The following PDE4D variants were observed in gnomAD, a reference collection of about 807,000 sequenced individuals.
The protein encoded by PDE4D is 3',5'-cyclic-AMP phosphodiesterase 4D.
In PDE4D, 24 loss-of-function variants were observed where a neutral mutation model predicts 87.4. The ratio of observed to expected loss-of-function variants is 0.27; its 90% CI spans 0.20 to 0.39. The LOEUF (loss-of-function observed/expected upper bound fraction) is 0.39. Among genes scored for constraint, PDE4D ranks in the 10% least tolerant of loss-of-function variants. The probability of loss-of-function intolerance (pLI) is 1.00; values close to 1 mark genes in which losing one functional copy is unlikely to be tolerated. For missense variants in PDE4D, 714 were observed against 1,041.0 expected, an observed-to-expected ratio of 0.69 and a Z score of 4.32; for synonymous variants, 384 against 383.2, an observed-to-expected ratio of 1.00 and a Z score of -0.02.
At chr5:59,518,414 C>A (rs1811566285) in intron 1 of PDE4D, among the ~76,000 whole-genome samples, 1 of 152,076 alleles carries the variant, frequency 6.6e-6, no homozygotes, top group Non-Finnish European at 1.5e-5. Context: ...AAGCAAACAT[C>A]CTTAATGTTC....
Position 59,200,702 on chromosome 5 carries a change from TAG to T in PDE4D, c.648-7168_648-7167del, listed in dbSNP as rs1581346704. The stretch of plus-strand genomic sequence containing the variant: ...ACGTATACATACATATGTGTATGTA[TAG>T]ATACACGTATACATACATATGTGTA... On this transcript the variant is annotated intron_variant, in intron 2 of 14. Coordinates refer to ENST00000340635, the MANE Select transcript of PDE4D (RefSeq NM_001104631.2). 1.5e-4 allele frequency among the ~76,000 whole-genome samples: 14 copies of T among 94,502 alleles called. 1 individual carries two copies. The highest frequency in any genetic ancestry group is 5.1e-3 in the Middle Eastern group (1 of 196). The allele number at this position is 94,502 out of a possible 152,430, so 62.0% of individuals were successfully genotyped here.
intron 1 of PDE4D, among the ~76,000 whole-genome samples, chr5:59,225,455 T>G (rs527372797): frequency 1.8e-4 from 28 of 152,296 alleles, no homozygotes; most frequent in Non-Finnish European, 3.8e-4. Context: ...GATATTTTGT[T>G]CTTTTTCAAG....
At chr5:59,571,407 G>T (rs975011660) in intron 1 of PDE4D, among the ~76,000 whole-genome samples, 3 of 152,136 alleles carry the variant, frequency 2.0e-5, no homozygotes, top group Non-Finnish European at 4.4e-5. Flanking sequence ...ATACAGAAGG[G>T]GTGGAGAAAG....
chr5:59,497,561 C>G (rs1330320587), intron 1 of PDE4D, among the ~76,000 whole-genome samples: 1 of 151,922 alleles, frequency 6.6e-6, no homozygotes, highest in Admixed American at 6.6e-5. Flanking sequence ...GCCTTAACAA[C>G]AGACTATACC....
chr5:60,322,223 C>T (rs897709625), intron 1 of PDE4D, among the ~76,000 whole-genome samples: 13 of 152,038 alleles, frequency 8.6e-5, no homozygotes, highest in Non-Finnish European at 5.9e-5. Context: ...ACTATGCAGC[C>T]ATAAAAAATG....
chr5:59,874,062 TA>T (rs1561798160), intron 1 of PDE4D, among the ~76,000 whole-genome samples: 1 of 151,854 alleles, frequency 6.6e-6, no homozygotes, highest in Non-Finnish European at 1.5e-5. Flanking sequence ...AATTTTTTTT[TA>T]AAAAAATGGC....
intron 1 of PDE4D, chr5:59,276,131 A>G (rs1262470179): frequency 1.0e-6 from 1 of 982,862 alleles, no homozygotes; most frequent in East Asian, 1.1e-4. Context: ...GGAAAAAAAA[A>G]AAAAAAAAAA....
At chr5:59,566,239 G>C (rs1046144310) in intron 1 of PDE4D, among the ~76,000 whole-genome samples, 5 of 152,102 alleles carry the variant, frequency 3.3e-5, no homozygotes, top group African/African-American at 1.2e-4. Context: ...TCACTGTCAG[G>C]GTGAAGTAAG....
chr5:60,396,047 G>C (rs1308522549), intron 1 of PDE4D, among the ~76,000 whole-genome samples: 1 of 152,214 alleles, frequency 6.6e-6, no homozygotes, highest in Non-Finnish European at 1.5e-5. Flanking sequence ...CTCCTTGGTT[G>C]TTTTGTGGGC....
intron 2 of PDE4D, among the ~76,000 whole-genome samples, chr5:60,082,766 C>T (rs763435388): frequency 6.6e-6 from 1 of 152,124 alleles, no homozygotes; most frequent in Non-Finnish European, 1.5e-5. Flanking sequence ...CCACACTGCC[C>T]TCTTGTTCTT....
chr5:59,464,265 C>T (rs1437610785), intron 1 of PDE4D, among the ~76,000 whole-genome samples: 1 of 152,162 alleles, frequency 6.6e-6, no homozygotes, highest in Non-Finnish European at 1.5e-5. Flanking sequence ...GCAGTTGAGA[C>T]AAGAGGAAGG....
At chr5:60,361,567 C>T (rs1462317408) in intron 1 of PDE4D, among the ~76,000 whole-genome samples, 1 of 152,174 alleles carries the variant, frequency 6.6e-6, no homozygotes, top group Non-Finnish European at 1.5e-5. Flanking sequence ...TTCTGCCCTC[C>T]CTTGTGGATG....
chr5:60,333,090 GAT>G (rs1026872072), intron 1 of PDE4D, among the ~76,000 whole-genome samples: 1 of 152,142 alleles, frequency 6.6e-6, no homozygotes, highest in African/African-American at 2.4e-5. Context: ...TCATTACCCT[GAT>G]ATATTCTCCT....
At chr5:59,443,963 G>C (rs914268413) in intron 1 of PDE4D, among the ~76,000 whole-genome samples, 1 of 152,156 alleles carries the variant, frequency 6.6e-6, no homozygotes, top group African/African-American at 2.4e-5. Flanking sequence ...TGGTACAAGA[G>C]GGTAACACTA....
intron 1 of PDE4D, among the ~76,000 whole-genome samples, chr5:59,244,320 C>T (rs1190853860): frequency 6.6e-6 from 1 of 151,920 alleles, no homozygotes; most frequent in Non-Finnish European, 1.5e-5. Flanking sequence ...ATCACTTGAA[C>T]CCAGGAGACG....
chr5:60,284,169 T>TA (rs1752202101), intron 1 of PDE4D, among the ~76,000 whole-genome samples: 1 of 152,194 alleles, frequency 6.6e-6, no homozygotes, highest in African/African-American at 2.4e-5. Flanking sequence ...TACACCTATT[T>TA]AGCACTCACC....
intron 1 of PDE4D, among the ~76,000 whole-genome samples, chr5:59,223,293 G>C (rs899972837): frequency 2.6e-5 from 4 of 152,128 alleles, no homozygotes; most frequent in Non-Finnish European, 5.9e-5. Flanking sequence ...AACCTAGGTG[G>C]GGCTCCAGCT....
chr5:60,217,432 AT>A (rs990744814), intron 1 of PDE4D, among the ~76,000 whole-genome samples: 8 of 151,980 alleles, frequency 5.3e-5, no homozygotes, highest in Non-Finnish European at 1.2e-4. Flanking sequence ...GAATATTACA[AT>A]TTTTTTAATG....
rs973999806 is a variant in PDE4D, at chr5:59,893,168, C to T, written c.455G>A (p.Arg152His). Residue 152 changes from arginine to histidine, a missense_variant and splice_region_variant, in exon 1 of 15, where the codon CGT becomes CAT. Arg to His is a conservative substitution (Grantham distance 29, BLOSUM62 0). This residue lies in a region of PDE4D where 268 missense variants were observed against 272.9 expected (regional missense o/e 0.98). Transcript: ENST00000340635. ...GGGGGAGGGGGCGCTCTCCACTCACCGCCTGAGTCCCTGGAACGAGGAGGG... is the reference window on the plus strand; with the variant it reads ...GGGGGAGGGGGCGCTCTCCACTCACTGCCTGAGTCCCTGGAACGAGGAGGG... ...SWPSSFQGLR[R>H]FDVDNGTSAG... 4 of 1,557,066 alleles carry T rather than the reference C, an allele frequency of 2.6e-6. No individual in the cohort carries two copies. The highest frequency in any genetic ancestry group is 3.5e-6 in the Non-Finnish European group (4 of 1,150,716).
Sources: gnomAD v4.1 joint callset for allele counts (sites outside exome capture counted in the v4.1 genomes callset) on GRCh38, gnomAD v4.1.1 for gene constraint, gnomAD v4.1.1 regional missense constraint, MANE v1.5 for transcripts, NCBI Gene and HGNC (gene_info 2026-07-23, HGNC 2026-07-21) for gene names.